Variants in FRYL observed in about 807,000 individuals in gnomAD.
The protein encoded by FRYL is protein furry homolog-like.
In FRYL, 150 loss-of-function variants were observed where a neutral mutation model predicts 351.2. The ratio of observed to expected loss-of-function variants is 0.43; its 90% CI spans 0.37 to 0.49. The LOEUF is 0.49. Among genes scored for constraint, FRYL ranks in the 20% least tolerant of loss-of-function variants. The pLI is 0.00. For missense variants in FRYL, 3,036 were observed against 3,619.3 expected, an observed-to-expected ratio of 0.84 and a Z score of 4.13; for synonymous variants, 1,153 against 1,257.1, an observed-to-expected ratio of 0.92 and a Z score of 1.75.
chr4:48,546,034 C>T (rs1453010359), intron 42 of FRYL, 33 bp downstream of exon 42: 5 of 1,578,558 alleles, frequency 3.2e-6, no homozygotes, highest in South Asian at 1.1e-5. Context: ...TTAACACATA[C>T]ACTGCTGGGA....
intron 2 of FRYL, among the ~76,000 whole-genome samples, chr4:48,689,797 C>A (rs1436631109): frequency 6.6e-6 from 1 of 152,106 alleles, no homozygotes; most frequent in African/African-American, 2.4e-5. Flanking sequence ...CCTCCTAATC[C>A]AACCATTAAT....
At chr4:48,729,205 T>C (rs147470544) in intron 1 of FRYL, among the ~76,000 whole-genome samples, 2 of 152,354 alleles carry the variant, frequency 1.3e-5, no homozygotes, top group African/African-American at 4.8e-5. Flanking sequence ...GGTGGTTCTA[T>C]GCTCACAGTG....
chr4:48,664,395 A>G (rs1397622847), intron 3 of FRYL, among the ~76,000 whole-genome samples: 1 of 152,372 alleles, frequency 6.6e-6, no homozygotes, highest in African/African-American at 2.4e-5. Context: ...ATTAGGAAGA[A>G]GGCAGTAAGA....
chr4:48,577,035 C>A (rs1218814464), intron 23 of FRYL, among the ~76,000 whole-genome samples: 3 of 151,988 alleles, frequency 2.0e-5, no homozygotes, highest in African/African-American at 7.2e-5. Context: ...TATGCTATAT[C>A]AATATAAAGT....
chr4:48,732,619 C>T (rs1439156701), intron 1 of FRYL, among the ~76,000 whole-genome samples: 3 of 152,188 alleles, frequency 2.0e-5, no homozygotes, highest in African/African-American at 2.4e-5. Context: ...AGTTCATGTC[C>T]TTTGCAGGGA....
At chr4:48,618,241 G>C (rs1749950985) in intron 7 of FRYL, 1 of 152,116 alleles carries the variant, frequency 6.6e-6, no homozygotes, top group African/African-American at 2.4e-5. Context: ...TAACTCTTCT[G>C]TTTTACATAT....
intron 1 of FRYL, among the ~76,000 whole-genome samples, chr4:48,729,037 C>T (rs560805217): frequency 6.1e-4 from 93 of 152,232 alleles, no homozygotes; most frequent in Non-Finnish European, 1.2e-3. Flanking sequence ...GCTTTTCCCA[C>T]GGTCTTCGCA....
chr4:48,538,386 C>A (rs890618984), intron 47 of FRYL, among the ~76,000 whole-genome samples: 1 of 152,040 alleles, frequency 6.6e-6, no homozygotes, highest in Non-Finnish European at 1.5e-5. Flanking sequence ...GTGTTAAGAG[C>A]ATATTTTATT....
At chr4:48,506,615 AATATATATATATATATATAT>A (rs55736457) in intron 59 of FRYL, 6,129 of 71,606 alleles carry the variant, frequency 0.086, 341 homozygotes, top group Non-Finnish European at 0.11. Flanking sequence ...CAATACAACT[AATATATATATATATATATAT>A]ATATATATAT....
chr4:48,726,780 T>C (rs577626712), intron 1 of FRYL, among the ~76,000 whole-genome samples: 1 of 152,240 alleles, frequency 6.6e-6, no homozygotes, highest in African/African-American at 2.4e-5. Flanking sequence ...TGATGACTCA[T>C]AGTGCCTTTA....
intron 1 of FRYL, among the ~76,000 whole-genome samples, chr4:48,712,768 A>AACTC: frequency 1.3e-5 from 2 of 152,178 alleles, no homozygotes; most frequent in Non-Finnish European, 2.9e-5. Flanking sequence ...ACTCCAAGAC[A>AACTC]CATAATTGTC....
intron 3 of FRYL, among the ~76,000 whole-genome samples, chr4:48,681,803 A>T (rs957073298): frequency 6.6e-6 from 1 of 152,190 alleles, no homozygotes; most frequent in African/African-American, 2.4e-5. Flanking sequence ...ATAAAGCTGA[A>T]GTACTGAAAG....
intron 3 of FRYL, among the ~76,000 whole-genome samples, chr4:48,657,715 C>T (rs1251249560): frequency 6.6e-6 from 1 of 152,060 alleles, no homozygotes; most frequent in Admixed American, 6.6e-5. Context: ...TATACTCCTC[C>T]CCAACTTTTA....
At chr4:48,762,272 T>C (rs1278523268) in intron 1 of FRYL, among the ~76,000 whole-genome samples, 1 of 152,254 alleles carries the variant, frequency 6.6e-6, no homozygotes, top group African/African-American at 2.4e-5. Flanking sequence ...TTAGATATTA[T>C]GAACATTTTA....
intron 9 of FRYL, 133 bp downstream of exon 9, chr4:48,608,854 G>T: frequency 6.1e-6 from 4 of 660,646 alleles, no homozygotes; most frequent in Non-Finnish European, 1.1e-5. Flanking sequence ...GAGCAGTAAA[G>T]TAATAAAAGG....
At chr4:48,727,083 A>C (rs1180756409) in intron 1 of FRYL, among the ~76,000 whole-genome samples, 2 of 152,138 alleles carry the variant, frequency 1.3e-5, no homozygotes, top group Non-Finnish European at 2.9e-5. Flanking sequence ...TTTTTAATGG[A>C]ATGTGCCTTT....
chr4:48,729,485 G>A (rs1345578079), intron 1 of FRYL, among the ~76,000 whole-genome samples: 2 of 152,174 alleles, frequency 1.3e-5, no homozygotes, highest in Non-Finnish European at 2.9e-5. Context: ...CCTCTCAGTA[G>A]GGACTGACAG....
intron 2 of FRYL, among the ~76,000 whole-genome samples, chr4:48,688,658 ATTTTTTTTT>A (rs11355390): frequency 1.0e-4 from 9 of 86,468 alleles, no homozygotes; most frequent in Non-Finnish European, 2.0e-4. Flanking sequence ...CTCTTAGTCA[ATTTTTTTTT>A]TTTTTTTTTT....
intron 26 of FRYL, among the ~76,000 whole-genome samples, chr4:48,571,329 T>C (rs1193243492): frequency 2.6e-5 from 4 of 152,072 alleles, no homozygotes; most frequent in African/African-American, 9.7e-5. Context: ...CATGCCACAG[T>C]TTTCTACACA....
Sources: allele counts gnomAD v4.1 joint callset (sites outside exome capture counted in the v4.1 genomes callset), GRCh38; gene constraint gnomAD v4.1.1; transcripts MANE v1.5; gene names NCBI Gene and HGNC (gene_info 2026-07-23, HGNC 2026-07-21).